Variants in CROCC2 observed in about 807,000 individuals in gnomAD.
The protein encoded by CROCC2 is ciliary rootlet coiled-coil, rootletin family member 2, also known as ciliary rootlet coiled-coil protein 2.
CROCC2 carries 163 observed loss-of-function variants against 177.6 expected under a neutral mutation model. The ratio of observed to expected loss-of-function variants is 0.92; its 90% CI spans 0.81 to 1.05. CROCC2 has a LOEUF of 1.05. Ranked by LOEUF, CROCC2 falls within the 50% of genes least tolerant of loss-of-function variation. The pLI is 0.00. For synonymous variants in CROCC2, 904 were observed against 787.3 expected (o/e 1.15, Z -2.48); for missense variants, 1,929 against 1,797.8 (o/e 1.07, Z -1.32).
Position 240,935,397 on chromosome 2 carries a change from A to T in CROCC2, c.1978A>T (p.Thr660Ser). Reference protein sequence around the residue: ...ERDQLREQRKTLEQERARAGE... With the variant: ...ERDQLREQRKSLEQERARAGE... ...GGACCAGCTGCGGGAACAGCGGAAG[A>T]CTCTGGAGCAGGAACGGGCCCGGGC... is the stretch of plus-strand genomic sequence containing the variant. The change falls in exon 14 of 32, where the codon ACT (threonine) becomes TCT (serine). Residue 660 changes from threonine to serine, a missense_variant. This residue lies in a region of CROCC2 where 1,397 missense variants were observed against 1,239.9 expected (regional missense o/e 1.13). Transcript: ENST00000690015. The T allele has an allele frequency of 2.2e-6, 3 of 1,366,708 alleles. No individual in the cohort carries two copies. The allele number at this position is 1,366,708 out of a possible 1,614,324, so 84.7% of individuals were successfully genotyped here. A position where few individuals can be genotyped will look rare whatever the true frequency, so the allele number is the denominator to read the frequency against.
In CROCC2 at chr2:240,959,527, G is replaced by C; in HGVS notation, c.3087+83G>C. 2.0e-6 allele frequency: 3 copies of C among 1,468,706 alleles called. No individual in the cohort carries two copies. The South Asian group carries it at 4.0e-5, about 20-fold the overall frequency. 91.0% of individuals were successfully genotyped at this position (1,468,706 alleles called of 1,614,324 possible). A position where few individuals can be genotyped will look rare whatever the true frequency, so the allele number is the denominator to read the frequency against. Reference sequence around the variant, plus strand: ...AGGTACCAAGAGAGGAGAGAGTGGGGGTGCCAGGAGGAAAGAGAGGCTGTA... The same window carrying C: ...AGGTACCAAGAGAGGAGAGAGTGGGCGTGCCAGGAGGAAAGAGAGGCTGTA... On this transcript the variant is annotated intron_variant, in intron 20 of 31. Coordinates refer to ENST00000690015, the MANE Select transcript of CROCC2 (RefSeq NM_001351305.2).
chr2:240,968,631 G>A (rs1405100383), intron 27 of CROCC2, among the ~76,000 whole-genome samples: 1 of 152,232 alleles, frequency 6.6e-6, no homozygotes, highest in Non-Finnish European at 1.5e-5. Flanking sequence ...CGGCAGGCAT[G>A]GGGCGGCCCT....
At chr2:240,935,622 TG>T in intron 14 of CROCC2, 34 bp downstream of exon 14, 1 of 1,363,612 alleles carries the variant, frequency 7.3e-7, no homozygotes, top group Non-Finnish European at 9.5e-7. Flanking sequence ...TGCCGCCGTC[TG>T]GGATGCGGCT....
intron 2 of CROCC2, among the ~76,000 whole-genome samples, 157 bp from the exon 3 acceptor site, chr2:240,919,826 C>T (rs2059346337): frequency 6.6e-6 from 1 of 152,176 alleles, no homozygotes; most frequent in Non-Finnish European, 1.5e-5. Flanking sequence ...ATGTTAGGGT[C>T]CCGGGCTCAG....
intron 11 of CROCC2, 86 bp from the exon 12 acceptor site, chr2:240,934,245 G>A: frequency 1.4e-6 from 2 of 1,444,260 alleles, no homozygotes; most frequent in African/African-American, 1.4e-5. Context: ...CTTGGAGGGA[G>A]TTGCAGGTGG....
chr2:240,965,874 G>A lies in CROCC2; in HGVS notation c.3842G>A (p.Gly1281Asp). 1.4e-6 allele frequency: 2 copies of A among 1,441,986 alleles called. No homozygotes were observed. The highest frequency in any genetic ancestry group is 1.8e-6 in the Non-Finnish European group (2 of 1,095,438). 89.3% of individuals were successfully genotyped at this position (1,441,986 alleles called of 1,614,324 possible). A position where few individuals can be genotyped will look rare whatever the true frequency, so the allele number is the denominator to read the frequency against. Residue 1281 changes from glycine (G) to aspartate (D), a missense_variant, in exon 24 of 32, where the codon GGT becomes GAT. Gly to Asp is a moderately conservative substitution (Grantham distance 94). Around this residue, in one of 3 missense-constraint regions of CROCC2, gnomAD observed 144 missense variants for 205.2 expected, o/e 0.70. Transcript: ENST00000690015. ...GAGCAGGAGCTGGCCCAGGCTGAGG[G>A]TGCAAGGCAGGATGCGGAGGCCCAG... ...SLEQELAQAEGARQDAEAQLG... is the reference protein window; with the variant it reads ...SLEQELAQAEDARQDAEAQLG...
rs959388355 is a variant in CROCC2, at chr2:240,949,220, G to A, written c.2482+123G>A. 4.9e-6 allele frequency: 7 copies of A among 1,434,188 alleles called. No individual in the cohort carries two copies. In the African/African-American group the frequency reaches 1.0e-4, roughly 21 times the overall value. The allele number at this position is 1,434,188 out of a possible 1,614,324, so 88.8% of individuals were successfully genotyped here. A position where few individuals can be genotyped will look rare whatever the true frequency, so the allele number is the denominator to read the frequency against. Reference sequence around the variant, plus strand: ...CCGGAGCCCACAGGGGCATGAACATGAGCTTGGAGCTCATGCGACTGAGCG... The same window carrying A: ...CCGGAGCCCACAGGGGCATGAACATAAGCTTGGAGCTCATGCGACTGAGCG... On this transcript the variant is annotated intron_variant, in intron 16 of 31. Coordinates refer to ENST00000690015, the MANE Select transcript of CROCC2 (RefSeq NM_001351305.2). This position sits in a 1 kb window ranked among gnomAD's most constrained non-coding sequence, Gnocchi z 4.5.
intron 14 of CROCC2, among the ~76,000 whole-genome samples, chr2:240,940,322 AC>A (rs2059488768): frequency 6.6e-6 from 1 of 152,196 alleles, no homozygotes; most frequent in Non-Finnish European, 1.5e-5. Context: ...TCATTATAAA[AC>A]ATCTCCTCTT....
chr2:240,963,972 T>A, intron 21 of CROCC2, 199 bp downstream of exon 21: 1 of 620,150 alleles, frequency 1.6e-6, no homozygotes. Flanking sequence ...GAGGGATGGC[T>A]GAGGACATGG....
chr2:240,950,360 G>C lies in CROCC2; in HGVS notation c.2679G>C (p.Glu893Asp). 6.5e-7 allele frequency: 1 copy of C among 1,550,198 alleles called. No individual in the cohort carries two copies. Among genetic ancestry groups the C allele is most frequent in the Non-Finnish European group, 8.7e-7 (1 of 1,146,772 alleles). Residue 893 changes from glutamate to aspartate, a missense_variant, in exon 18 of 32, where the codon GAG becomes GAC. By Grantham distance (45) the Glu-to-Asp change is conservative (BLOSUM62 2). Around this residue, in one of 3 missense-constraint regions of CROCC2, gnomAD observed 1,397 missense variants for 1,239.9 expected, o/e 1.13. Transcript: ENST00000690015. ...AGACCCTGAGCCTGACCCTGGCAGA[G>C]GAGAAGGAGGTAGCCAGATGCCAGC... ...EKETLSLTLA[E>D]EKEVARCQLE...
At chr2:240,974,233 G>T (rs1403528259) in intron 27 of CROCC2, among the ~76,000 whole-genome samples, 1 of 151,940 alleles carries the variant, frequency 6.6e-6, no homozygotes, top group Non-Finnish European at 1.5e-5. Flanking sequence ...TTTGCCAACG[G>T]TTCATGTTTT....
chr2:240,922,228 G>A (rs1237321479), intron 3 of CROCC2, among the ~76,000 whole-genome samples: 2 of 152,214 alleles, frequency 1.3e-5, no homozygotes, highest in Non-Finnish European at 2.9e-5. Flanking sequence ...CCAGAGCTAT[G>A]CCCCCACTGG....
intron 1 of CROCC2, among the ~76,000 whole-genome samples, chr2:240,916,733 G>A (rs1048064228): frequency 1.3e-5 from 2 of 152,206 alleles, no homozygotes; most frequent in Admixed American, 6.5e-5. Flanking sequence ...TGGCGCCGCC[G>A]ATGCCCGGGG....
chr2:240,981,337 G>A (rs958589838), intron 27 of CROCC2, among the ~76,000 whole-genome samples: 1 of 152,214 alleles, frequency 6.6e-6, no homozygotes, highest in Non-Finnish European at 1.5e-5. Context: ...CAGCTCTGGG[G>A]GAGAAGGGCT....
At chr2:240,930,797 A>T in intron 6 of CROCC2, 134 bp from the exon 7 acceptor site, 1 of 592,400 alleles carries the variant, frequency 1.7e-6, no homozygotes, top group South Asian at 2.0e-5. Flanking sequence ...ACACATGGGA[A>T]CAATCAATGC....
At position 240,970,456 on chromosome 2, in the gene CROCC2, C is replaced by T. The variant is rs191733157; in HGVS notation, c.4401+2194C>T. 1.8e-4 allele frequency among the ~76,000 whole-genome samples: 27 copies of T among 152,344 alleles called. No individual in the cohort carries two copies. The South Asian group carries it at 2.1e-3, about 12-fold the overall frequency. Reference sequence around the variant, plus strand: ...TTGTTCATAGGACACTTTCTCCTTTCCGTGTGTCTTTCCTGCCTGTCCTGT... The same window carrying T: ...TTGTTCATAGGACACTTTCTCCTTTTCGTGTGTCTTTCCTGCCTGTCCTGT... On this transcript the variant is annotated intron_variant, in intron 27 of 31. Transcript: ENST00000690015.
At chr2:240,921,748 T>G (rs1559590705) in intron 3 of CROCC2, among the ~76,000 whole-genome samples, 1 of 152,198 alleles carries the variant, frequency 6.6e-6, no homozygotes, top group Non-Finnish European at 1.5e-5. Flanking sequence ...CTCCAGGGTC[T>G]TCCAACGCCA....
chr2:240,933,458 G>C, intron 10 of CROCC2, 116 bp downstream of exon 10: 1 of 1,202,552 alleles, frequency 8.3e-7, no homozygotes, highest in South Asian at 1.6e-5. Context: ...CCGGGGAGGG[G>C]TCCTTGCCTT....
chr2:240,975,742 TTTTTG>T (rs1407232056), intron 27 of CROCC2, among the ~76,000 whole-genome samples: 19 of 145,480 alleles, frequency 1.3e-4, no homozygotes, highest in African/African-American at 4.8e-4. Flanking sequence ...TTTTTTTTTT[TTTTTG>T]AGACAGAGTT....
Sources: gnomAD v4.1 joint callset for allele counts (sites outside exome capture counted in the v4.1 genomes callset) on GRCh38, gnomAD v4.1.1 for gene constraint, gnomAD v4.1.1 regional missense constraint, Gnocchi (gnomAD v3.1) non-coding constraint, MANE v1.5 for transcripts, NCBI Gene and HGNC (gene_info 2026-07-23, HGNC 2026-07-21) for gene names.